Variants in FGF13 observed in about 807,000 individuals in gnomAD.
FGF13 encodes fibroblast growth factor 13, also known as fibroblast growth factor homologous factor 2.
Under a neutral mutation model 19.5 loss-of-function variants are expected in FGF13, and 2 were observed. The observed-to-expected ratio is 0.10, with a 90% CI of 0.04 to 0.32. FGF13 has a LOEUF of 0.32. FGF13 is among the 10% of genes least tolerant of loss of function. The pLI is 1.00. For missense variants in FGF13, 113 were observed against 192.7 expected, an observed-to-expected ratio of 0.59 and a Z score of 2.45; for synonymous variants, 72 against 76.9, an observed-to-expected ratio of 0.94 and a Z score of 0.33.
rs764151731 is a variant in FGF13 at position 138,790,043 on chromosome X, C to CAAA, written c.217+67466_217+67468dup. ...CTGGGTGACAGAGCGAGACTCCATT[C>CAAA]AAAAAAAAAAAAAAAAAAAAAAAAA... is the stretch of plus-strand genomic sequence containing the variant. On this transcript the variant is annotated intron_variant, in intron 3 of 6. Transcript: ENST00000436198. Among the ~76,000 whole-genome samples, 11 of 29,165 alleles carry CAAA rather than the reference C, an allele frequency of 3.8e-4. 2 individuals are homozygous for CAAA. Among genetic ancestry groups the CAAA allele is most frequent in the African/African-American group, 9.0e-4 (8 of 8,900 alleles). 25.3% of individuals were successfully genotyped at this position (29,165 alleles called of 115,157 possible).
chrX:138,913,653 G>T (rs1299222205), intron 1 of FGF13, among the ~76,000 whole-genome samples: 1 of 78,078 alleles, frequency 1.3e-5, no homozygotes. Context: ...AGGAAGGAAG[G>T]AAGGAAGGAA....
chrX:138,904,162 A>T (rs188561903), intron 1 of FGF13, among the ~76,000 whole-genome samples: 191 of 112,147 alleles, frequency 1.7e-3, no homozygotes, highest in African/African-American at 5.6e-3. Context: ...TATGTTAAAG[A>T]CAATTTCAAG....
intron 1 of FGF13, among the ~76,000 whole-genome samples, chrX:138,919,655 T>C (rs1301475722): frequency 9.0e-6 from 1 of 111,425 alleles, no homozygotes; most frequent in Non-Finnish European, 1.9e-5. Flanking sequence ...CTAGTACTTG[T>C]GAAATAATAA....
At chrX:139,004,959 C>T (rs763002894) in intron 1 of FGF13, among the ~76,000 whole-genome samples, 1 of 112,266 alleles carries the variant, frequency 8.9e-6, no homozygotes. Flanking sequence ...AGATCCCAGA[C>T]AGCACCTCTG....
chrX:138,762,064 G>C (rs988422488), intron 3 of FGF13, among the ~76,000 whole-genome samples: 1 of 109,763 alleles, frequency 9.1e-6, no homozygotes, highest in Non-Finnish European at 1.9e-5. Flanking sequence ...AGTGTATCTA[G>C]TGTGACTGAA....
intron 3 of FGF13, among the ~76,000 whole-genome samples, chrX:138,648,932 T>C (rs1387858486): frequency 8.9e-6 from 1 of 112,403 alleles, no homozygotes; most frequent in African/African-American, 3.2e-5. Flanking sequence ...TGAAGTTGTA[T>C]CTGAACAGAA....
chrX:138,723,715 G>A (rs777488643), intron 1 of FGF13, among the ~76,000 whole-genome samples: 1 of 111,748 alleles, frequency 8.9e-6, no homozygotes, highest in Admixed American at 9.5e-5. Context: ...AACAAGAAGG[G>A]AACGTTACAA....
chrX:138,754,939 T>C (rs2090422408), intron 3 of FGF13, among the ~76,000 whole-genome samples: 1 of 111,525 alleles, frequency 9.0e-6, no homozygotes, highest in Admixed American at 9.6e-5. Context: ...AGTCTGTGTG[T>C]AGTTTCCTCC....
rs774441344 is a variant in FGF13, at chrX:138,809,000, G to A, written c.217+48512C>T. 3.4e-3 allele frequency among the ~76,000 whole-genome samples: 382 copies of A among 111,495 alleles called. 2 individuals are homozygous for A. Among genetic ancestry groups the A allele is most frequent in the Non-Finnish European group, 5.2e-3 (276 of 53,061 alleles). On this transcript the variant is annotated intron_variant, in intron 3 of 6. Transcript: ENST00000436198. ...TCCAGGACCTGATGGATTCACAGCCGAATTCTACCAGAGTTACAAGGAGGA... is the reference window on the plus strand; with the variant it reads ...TCCAGGACCTGATGGATTCACAGCCAAATTCTACCAGAGTTACAAGGAGGA...
intron 1 of FGF13, among the ~76,000 whole-genome samples, chrX:139,085,944 T>G (rs2083401091): frequency 8.9e-6 from 1 of 112,533 alleles, no homozygotes; most frequent in Non-Finnish European, 1.9e-5. Flanking sequence ...GTAAATAAAA[T>G]AAGTGTGTAC....
At chrX:139,182,932 A>G (rs760730314) in intron 1 of FGF13, among the ~76,000 whole-genome samples, 12 of 111,618 alleles carry the variant, frequency 1.1e-4, no homozygotes, top group African/African-American at 3.9e-4. Context: ...AGCGTTTCAC[A>G]AAACTGTGAC....
chrX:138,664,878 T>G (rs1045053050), intron 3 of FGF13, among the ~76,000 whole-genome samples: 1 of 111,440 alleles, frequency 9.0e-6, no homozygotes, highest in East Asian at 2.9e-4. Context: ...GGAAGTTCCC[T>G]TCTCATCCTT....
intron 1 of FGF13, among the ~76,000 whole-genome samples, chrX:139,147,984 G>A (rs1442163762): frequency 1.8e-5 from 2 of 110,869 alleles, no homozygotes; most frequent in Admixed American, 9.6e-5. Context: ...CATGAATTTT[G>A]GTGGATGTAT....
intron 3 of FGF13, among the ~76,000 whole-genome samples, chrX:138,637,776 G>C (rs1478090313): frequency 8.9e-6 from 1 of 112,006 alleles, no homozygotes; most frequent in Non-Finnish European, 1.9e-5. Context: ...GCTTACAGGA[G>C]GTGCTGTATG....
chrX:138,838,328 T>G (rs1391145656), intron 3 of FGF13, among the ~76,000 whole-genome samples: 3 of 111,743 alleles, frequency 2.7e-5, no homozygotes, highest in Non-Finnish European at 1.9e-5. Context: ...AAGCCTGAAA[T>G]GCTGGCGTAT....
At chrX:138,856,928 G>A (rs1033368725), downstream of FGF13, among the ~76,000 whole-genome samples, 2 of 111,545 alleles carry the variant, frequency 1.8e-5, no homozygotes, top group Non-Finnish European at 3.8e-5. Context: ...GTCCAAACCT[G>A]TACTTGAGCT....
At chrX:139,152,067 A>G (rs1185205954) in intron 1 of FGF13, among the ~76,000 whole-genome samples, 3 of 111,538 alleles carry the variant, frequency 2.7e-5, no homozygotes, top group Admixed American at 9.5e-5. Flanking sequence ...CATTGCCTGA[A>G]TGAGAGCTAA....
At chrX:139,080,060 A>C (rs762342849) in intron 1 of FGF13, among the ~76,000 whole-genome samples, 131 of 108,135 alleles carry the variant, frequency 1.2e-3, no homozygotes, top group African/African-American at 4.3e-3. Context: ...AAATATTACC[A>C]CACACACACA....
intron 2 of FGF13, among the ~76,000 whole-genome samples, chrX:138,859,502 C>T (rs1005655947): frequency 5.3e-5 from 6 of 112,394 alleles, no homozygotes; most frequent in Non-Finnish European, 9.4e-5. Flanking sequence ...TTCAGAAGTA[C>T]GTGACAGATA....
Sources: allele counts gnomAD v4.1 joint callset (sites outside exome capture counted in the v4.1 genomes callset), GRCh38; gene constraint gnomAD v4.1.1; transcripts MANE v1.5; gene names NCBI Gene and HGNC (gene_info 2026-07-23, HGNC 2026-07-21).